Variants in LCORL observed in about 807,000 individuals in gnomAD.
LCORL encodes the protein ligand-dependent nuclear receptor corepressor-like protein.
A neutral mutation model predicts 141.8 loss-of-function variants in LCORL; 41 were observed. That is an observed-to-expected ratio of 0.29 (90% CI 0.23 to 0.38). The LOEUF (loss-of-function observed/expected upper bound fraction) is 0.38. LCORL is among the 10% of genes least tolerant of loss of function. The pLI, the probability that LCORL is intolerant of heterozygous loss-of-function variation, is 1.00. For synonymous variants in LCORL, 618 were observed against 694.1 expected (o/e 0.89, Z 1.72); for missense variants, 1,759 against 2,035.0 (o/e 0.86, Z 2.61).
At chr4:17,887,604 A>C (rs964813757) in intron 5 of LCORL, among the ~76,000 whole-genome samples, 5 of 152,178 alleles carry the variant, frequency 3.3e-5, no homozygotes, top group Non-Finnish European at 5.9e-5. Flanking sequence ...AGCCAGGCCA[A>C]GAGTGAGCTG....
Position 18,021,696 on chromosome 4 carries a change from G to T in LCORL, c.56C>A (p.Ala19Asp). ...AGGGCTCCGGCACTGAGCGGCGGCG[G>T]CGGCGGCGGCAGCAGCGGCGGCGGC... Residue 19 changes from alanine (A) to aspartate (D), a missense_variant, in exon 1 of 8, where the codon GCC (alanine) becomes GAC (aspartate). By Grantham distance (126) the Ala-to-Asp change is moderately radical (BLOSUM62 -2). Coordinates refer to ENST00000635767, the Ensembl canonical transcript of LCORL. The surrounding 1 kb of genome is among the most constrained non-coding windows in gnomAD (Gnocchi z 5.5). 6.5e-7 allele frequency: 1 copy of T among 1,531,466 alleles called. No individual in the cohort carries two copies. The highest frequency in any genetic ancestry group is 8.8e-7 in the Non-Finnish European group (1 of 1,140,090). 94.9% of individuals were successfully genotyped at this position (1,531,466 alleles called of 1,614,324 possible). A position where few individuals can be genotyped will look rare whatever the true frequency, so the allele number is the denominator to read the frequency against.
chr4:17,847,206 G>C (rs1245730290), intron 7 of LCORL, among the ~76,000 whole-genome samples: 2 of 152,126 alleles, frequency 1.3e-5, no homozygotes, highest in African/African-American at 2.4e-5. Flanking sequence ...TAATTCACTT[G>C]ACATTTAACT....
At chr4:17,871,618 T>C (rs1726340622) in intron 7 of LCORL, among the ~76,000 whole-genome samples, 2 of 152,138 alleles carry the variant, frequency 1.3e-5, no homozygotes, top group Admixed American at 6.6e-5. Flanking sequence ...AACAGCATGA[T>C]ATGAGGATGA....
exon 7 of LCORL, chr4:17,878,072 A>C: frequency 8.1e-7 from 1 of 1,230,630 alleles, no homozygotes; most frequent in Non-Finnish European, 1.0e-6. Context: ...GAGAAGCAGC[A>C]TTCTGCTCTT....
intron 1 of LCORL, among the ~76,000 whole-genome samples, chr4:17,996,594 C>T (rs1035834825): frequency 1.3e-5 from 2 of 152,008 alleles, no homozygotes; most frequent in African/African-American, 4.8e-5. Context: ...ATTTCAATTT[C>T]ATCTGTCATA....
chr4:17,996,934 G>A (rs1721009490), intron 1 of LCORL, among the ~76,000 whole-genome samples: 1 of 152,048 alleles, frequency 6.6e-6, no homozygotes, highest in Non-Finnish European at 1.5e-5. Context: ...GTTAGCATAC[G>A]TAGCCTTCCC....
At chr4:17,879,281 T>A (rs1727259092) in intron 6 of LCORL, among the ~76,000 whole-genome samples, 1 of 151,116 alleles carries the variant, frequency 6.6e-6, no homozygotes, top group African/African-American at 2.4e-5. Context: ...ATAGCCTGTT[T>A]CAGAGGTAAT....
intron 1 of LCORL, among the ~76,000 whole-genome samples, chr4:18,006,722 C>G (rs777959754): frequency 6.6e-6 from 1 of 152,076 alleles, no homozygotes; most frequent in Non-Finnish European, 1.5e-5. Flanking sequence ...ACAAGAACAG[C>G]GCAGGAAAGA....
intron 4 of LCORL, among the ~76,000 whole-genome samples, chr4:17,932,767 G>A (rs1239604172): frequency 6.6e-6 from 1 of 152,086 alleles, no homozygotes; most frequent in Non-Finnish European, 1.5e-5. Flanking sequence ...TGGCAAATAT[G>A]GTGAATTGCA....
intron 5 of LCORL, among the ~76,000 whole-genome samples, chr4:17,896,449 A>G (rs1490303361): frequency 6.6e-6 from 1 of 151,892 alleles, no homozygotes; most frequent in Non-Finnish European, 1.5e-5. Flanking sequence ...ACACCCAGAT[A>G]ATTTTTTTGT....
chr4:17,846,023 T>G (rs536623355), intron 7 of LCORL, 122 bp from the exon 8 acceptor site: 1 of 739,718 alleles, frequency 1.4e-6, no homozygotes, highest in South Asian at 1.8e-5. Context: ...ACATAAAGCA[T>G]TTATCCTGAA....
chr4:17,974,631 C>CA (rs774910327), intron 1 of LCORL, among the ~76,000 whole-genome samples: 39 of 152,178 alleles, frequency 2.6e-4, no homozygotes, highest in Admixed American at 1.6e-3. Context: ...GTTTTGGTAA[C>CA]AGAGTAATGC....
chr4:17,964,670 T>C (rs905023340), intron 2 of LCORL, among the ~76,000 whole-genome samples: 13 of 152,120 alleles, frequency 8.5e-5, no homozygotes, highest in African/African-American at 3.1e-4. Context: ...AGAATCACCA[T>C]ACAACGTAAG....
At chr4:17,893,340 A>G (rs185223063) in intron 5 of LCORL, 1 of 929,924 alleles carries the variant, frequency 1.1e-6, no homozygotes, top group Admixed American at 6.2e-5. Context: ...AAGACACACA[A>G]TATGTGATCC....
intron 1 of LCORL, among the ~76,000 whole-genome samples, chr4:18,011,606 C>G (rs1048370444): frequency 3.3e-5 from 5 of 152,154 alleles, no homozygotes; most frequent in Admixed American, 6.5e-5. Flanking sequence ...ACTATCTCTG[C>G]CCATTCCCTC....
chr4:18,018,901 T>C (rs770562816), intron 1 of LCORL, among the ~76,000 whole-genome samples: 5 of 152,222 alleles, frequency 3.3e-5, no homozygotes, highest in Non-Finnish European at 5.9e-5. Flanking sequence ...GCATATATAT[T>C]CACACATGTA....
chr4:17,998,985 A>AAAAAAATAT lies in LCORL; in HGVS notation c.154+22612_154+22613insATATTTTTT, dbSNP rs1374815646. On this transcript the variant is annotated intron_variant, in intron 1 of 7. Transcript: ENST00000635767. Reference sequence around the variant, plus strand: ...GTCTCAAAAAAAAAAAAAAAAAAAAAATATATATATATATATATACACACA... The same window carrying AAAAAAATAT: ...GTCTCAAAAAAAAAAAAAAAAAAAAAAAAAAATATATATATATATATATATATACACACA... Among the ~76,000 whole-genome samples the AAAAAAATAT allele has an allele frequency of 1.7e-3, 96 of 57,854 alleles. 1 individual carries two copies. The highest frequency in any genetic ancestry group is 2.5e-3 in the Non-Finnish European group (75 of 30,178). 38.0% of individuals were successfully genotyped at this position (57,854 alleles called of 152,430 possible). A position where few individuals can be genotyped will look rare whatever the true frequency, so the allele number is the denominator to read the frequency against.
intron 4 of LCORL, among the ~76,000 whole-genome samples, chr4:17,949,431 A>G (rs1560390238): frequency 6.6e-6 from 1 of 151,976 alleles, no homozygotes; most frequent in African/African-American, 2.4e-5. Flanking sequence ...GTATTCTTGG[A>G]TTTTTTATTT....
chr4:17,975,961 C>CT (rs1169966142), intron 1 of LCORL, among the ~76,000 whole-genome samples: 1 of 152,048 alleles, frequency 6.6e-6, no homozygotes, highest in African/African-American at 2.4e-5. Context: ...TTTTGATGCT[C>CT]TGTTATTGGG....
Sources: gnomAD v4.1 joint callset for allele counts (sites outside exome capture counted in the v4.1 genomes callset) on GRCh38, gnomAD v4.1.1 for gene constraint, Gnocchi (gnomAD v3.1) non-coding constraint, MANE v1.5 for transcripts, NCBI Gene and HGNC (gene_info 2026-07-23, HGNC 2026-07-21) for gene names.